Variants in KIF26B observed in about 807,000 individuals in gnomAD.
KIF26B encodes kinesin-like protein KIF26B.
In KIF26B, 63 loss-of-function variants were observed where a neutral mutation model predicts 151.2. The observed-to-expected ratio is 0.42, with a 90% CI of 0.34 to 0.51. The LOEUF (loss-of-function observed/expected upper bound fraction) is 0.51, where lower values mean the gene tolerates loss of function less well. Among genes scored for constraint, KIF26B ranks in the 20% least tolerant of loss-of-function variants. KIF26B has a pLI of 0.07. For synonymous variants in KIF26B, 1,357 were observed against 1,262.1 expected (o/e 1.08, Z -1.59); for missense variants, 2,813 against 2,913.6 (o/e 0.97, Z 0.79).
At chr1:245,349,721 GA>G (rs1672527930) in intron 2 of KIF26B, among the ~76,000 whole-genome samples, 2 of 152,148 alleles carry the variant, frequency 1.3e-5, no homozygotes, top group African/African-American at 4.8e-5. Context: ...ACTATTTGCA[GA>G]AAAAGCAACT....
At chr1:245,432,894 G>A (rs752975794) in intron 4 of KIF26B, among the ~76,000 whole-genome samples, 16 of 152,176 alleles carry the variant, frequency 1.1e-4, no homozygotes, top group Non-Finnish European at 1.9e-4. Flanking sequence ...GCATGGAGAG[G>A]TCTGGTTGAC....
At chr1:245,447,022 C>G (rs1659263731) in intron 4 of KIF26B, among the ~76,000 whole-genome samples, 1 of 152,164 alleles carries the variant, frequency 6.6e-6, no homozygotes, top group South Asian at 2.1e-4. Context: ...TCTAGAGACT[C>G]TCAGGATATA....
intron 2 of KIF26B, among the ~76,000 whole-genome samples, chr1:245,169,434 G>T (rs1207765498): frequency 6.6e-6 from 1 of 151,356 alleles, no homozygotes; most frequent in African/African-American, 2.4e-5. Flanking sequence ...TCTGCCCCAG[G>T]TTTCAGACAT....
In KIF26B at chr1:245,361,491, C is replaced by A. The variant is rs115774940; in HGVS notation, c.466-5343C>A. On this transcript the variant is annotated intron_variant, in intron 2 of 14. Coordinates refer to ENST00000407071, the MANE Select transcript of KIF26B (RefSeq NM_018012.4). ...ACGTGCTCAGCGCGGTGTTCATGCC[C>A]GCACCATTGTGTGATCACCATCACT... Among the ~76,000 whole-genome samples, 18 of 152,304 alleles carry A rather than the reference C, an allele frequency of 1.2e-4. No homozygotes were observed. In the East Asian group the frequency reaches 2.9e-3, roughly 24 times the overall value.
At chr1:245,483,456 TGTGA>T (rs1334990617) in intron 4 of KIF26B, among the ~76,000 whole-genome samples, 13 of 152,038 alleles carry the variant, frequency 8.6e-5, no homozygotes, top group Non-Finnish European at 1.8e-4. Context: ...CTTCAGTGCC[TGTGA>T]GTGTCACAGT....
At chr1:245,573,934 T>C (rs921352354) in intron 5 of KIF26B, among the ~76,000 whole-genome samples, 3 of 152,222 alleles carry the variant, frequency 2.0e-5, no homozygotes, top group African/African-American at 7.2e-5. Context: ...TTCATCACAC[T>C]ACTCAGAATG....
intron 2 of KIF26B, among the ~76,000 whole-genome samples, chr1:245,192,360 G>A (rs1669125372): frequency 6.7e-6 from 1 of 149,968 alleles, no homozygotes; most frequent in Non-Finnish European, 1.5e-5. Flanking sequence ...AGAAAAAAAA[G>A]GATGCTTGCT....
At chr1:245,405,068 C>T (rs769497900) in intron 3 of KIF26B, among the ~76,000 whole-genome samples, 11 of 152,194 alleles carry the variant, frequency 7.2e-5, no homozygotes, top group Non-Finnish European at 1.5e-4. Flanking sequence ...TCCAAATGCC[C>T]TGGGTAAACC....
chr1:245,392,725 T>C (rs1173838), intron 3 of KIF26B, among the ~76,000 whole-genome samples: 99,507 of 152,108 alleles, frequency 0.65, 32,554 homozygotes, highest in South Asian at 0.71. Flanking sequence ...TGGCATCCTT[T>C]GTGCTGGCAC....
At chr1:245,445,436 A>G (rs1266738879) in intron 4 of KIF26B, among the ~76,000 whole-genome samples, 1 of 152,170 alleles carries the variant, frequency 6.6e-6, no homozygotes, top group East Asian at 1.9e-4. Flanking sequence ...TGATTATGGG[A>G]CTTTTGTCAC....
At chr1:245,307,864 C>T (rs1338401003) in intron 2 of KIF26B, among the ~76,000 whole-genome samples, 1 of 152,102 alleles carries the variant, frequency 6.6e-6, no homozygotes, top group Non-Finnish European at 1.5e-5. Context: ...CCTCAGCCTC[C>T]CAAGTAGCTG....
At chr1:245,643,701 A>G (rs1430432484) in intron 9 of KIF26B, among the ~76,000 whole-genome samples, 1 of 152,098 alleles carries the variant, frequency 6.6e-6, no homozygotes, top group Non-Finnish European at 1.5e-5. Flanking sequence ...GCTTATGGTG[A>G]ATTCTTTTAG....
chr1:245,640,358 G>T (rs1189213985), intron 9 of KIF26B, among the ~76,000 whole-genome samples: 1 of 150,878 alleles, frequency 6.6e-6, no homozygotes, highest in African/African-American at 2.4e-5. Flanking sequence ...GTTTCCATTT[G>T]CATGGAATGC....
In KIF26B at chr1:245,263,344, T is replaced by C. The variant is rs1309718117; in HGVS notation, c.466-103490T>C. ...GGCAGAGGGCTTGCATCTGAAGCCA[T>C]GCCTCCTTCATCAGTGCTGTATCGA... is the stretch of plus-strand genomic sequence containing the variant. On this transcript the variant is annotated intron_variant, in intron 2 of 14. Coordinates refer to ENST00000407071, the MANE Select transcript of KIF26B (RefSeq NM_018012.4). 2.6e-5 allele frequency among the ~76,000 whole-genome samples: 4 copies of C among 152,246 alleles called. No individual in the cohort carries two copies. The East Asian group carries it at 7.7e-4, about 29-fold the overall frequency.
intron 4 of KIF26B, among the ~76,000 whole-genome samples, chr1:245,515,091 G>A (rs1378938124): frequency 6.6e-6 from 1 of 152,142 alleles, no homozygotes; most frequent in Non-Finnish European, 1.5e-5. Flanking sequence ...CCAGCTCTGT[G>A]CATAACCATT....
rs535932650 is a variant in KIF26B at position 245,602,408 on chromosome 1, C to T, written c.1351-169C>T. Among the ~76,000 whole-genome samples the T allele has an allele frequency of 4.6e-5, 7 of 152,286 alleles. No individual in the cohort carries two copies. In the South Asian group the frequency reaches 1.2e-3, roughly 27 times the overall value. ...GTAATTATAAATAAATCAGTTTTCCCGTGACCCACCAAGGATGATGTTGCT... is the reference window on the plus strand; with the variant it reads ...GTAATTATAAATAAATCAGTTTTCCTGTGACCCACCAAGGATGATGTTGCT... On this transcript the variant is annotated intron_variant, in intron 5 of 14. Transcript: ENST00000407071. This position sits in a 1 kb window ranked among gnomAD's most constrained non-coding sequence, Gnocchi z 4.5.
At chr1:245,394,928 G>T (rs1467626014) in intron 3 of KIF26B, among the ~76,000 whole-genome samples, 2 of 152,000 alleles carry the variant, frequency 1.3e-5, no homozygotes, top group Non-Finnish European at 2.9e-5. Context: ...CTGACCTCAG[G>T]TGATCACACC....
intron 8 of KIF26B, 132 bp downstream of exon 8, chr1:245,609,660 G>T: frequency 3.2e-6 from 3 of 949,676 alleles, no homozygotes; most frequent in Non-Finnish European, 2.9e-6. Context: ...AAGTGGACTG[G>T]AACTTTATGG....
At chr1:245,197,611 A>G (rs1669218478) in intron 2 of KIF26B, among the ~76,000 whole-genome samples, 1 of 152,226 alleles carries the variant, frequency 6.6e-6, no homozygotes, top group Admixed American at 6.5e-5. Context: ...GAAAAGGTAT[A>G]TATTTTTGAG....
Sources: allele counts gnomAD v4.1 joint callset (sites outside exome capture counted in the v4.1 genomes callset), GRCh38; gene constraint gnomAD v4.1.1; non-coding constraint Gnocchi (gnomAD v3.1); transcripts MANE v1.5; gene names NCBI Gene and HGNC (gene_info 2026-07-23, HGNC 2026-07-21).